The following FAAP20 variants were observed in gnomAD, a reference collection of about 807,000 sequenced individuals.
FAAP20 encodes FA core complex associated protein 20.
In FAAP20, 12 loss-of-function variants were observed where a neutral mutation model predicts 16.2. That is an observed-to-expected ratio of 0.74 (90% CI 0.48 to 1.20). The LOEUF (loss-of-function observed/expected upper bound fraction) is 1.20. Ranked by LOEUF, FAAP20 falls within the 50% of genes most tolerant of loss-of-function variation. The pLI, the probability that FAAP20 is intolerant of heterozygous loss-of-function variation, is 0.00. For synonymous variants in FAAP20, 141 were observed against 110.7 expected (o/e 1.27, Z -1.72); for missense variants, 288 against 245.8 (o/e 1.17, Z -1.15).
At chr1:2,199,450 G>A, upstream of FAAP20, 4 of 1,000,328 alleles carry the variant, frequency 4.0e-6, no homozygotes, top group African/African-American at 1.7e-5. The surrounding 1 kb of genome is among the most constrained non-coding windows in gnomAD (Gnocchi z 4.5). Flanking sequence ...CTGCCCTGCT[G>A]GGAAATTGTG....
At chr1:2,199,656 A>G, upstream of FAAP20, 4 of 984,648 alleles carry the variant, frequency 4.1e-6, no homozygotes, top group South Asian at 4.7e-5. This position sits in a 1 kb window ranked among gnomAD's most constrained non-coding sequence, Gnocchi z 4.5. Context: ...CCGAAGACTC[A>G]TGTCCACCAG....
In FAAP20 at chr1:2,192,550, C is replaced by A. The variant is rs770816153; in HGVS notation, c.470+1089G>T. 15 of 1,024,164 alleles carry A rather than the reference C, an allele frequency of 1.5e-5. No individual in the cohort carries two copies. The Admixed American group carries it at 5.1e-4, about 35-fold the overall frequency. The allele number at this position is 1,024,164 out of a possible 1,614,324, so 63.4% of individuals were successfully genotyped here. Reference sequence around the variant, plus strand: ...CCTCCCCGGGGGGCGGGGGGCAGCACCCTGACAGCAACAAGGATCTCAGAG... The same window carrying A: ...CCTCCCCGGGGGGCGGGGGGCAGCAACCTGACAGCAACAAGGATCTCAGAG... On this transcript the variant is annotated intron_variant, in intron 3 of 3. Coordinates refer to ENST00000378546, the MANE Select transcript of FAAP20 (RefSeq NM_182533.4).
At chr1:2,199,681 G>T, upstream of FAAP20, 1 of 966,220 alleles carries the variant, frequency 1.0e-6, no homozygotes, top group Non-Finnish European at 1.2e-6. This position sits in a 1 kb window ranked among gnomAD's most constrained non-coding sequence, Gnocchi z 4.5. Context: ...TGAGAAAGTG[G>T]CCTCGCTCGG....
upstream of FAAP20, chr1:2,198,016 C>T: frequency 4.6e-6 from 6 of 1,290,510 alleles, no homozygotes; most frequent in Non-Finnish European, 6.1e-6. Context: ...CCTTGTCCTG[C>T]CTGTCCTCAA....
upstream of FAAP20, among the ~76,000 whole-genome samples, chr1:2,202,000 G>A (rs1219752077): frequency 2.7e-5 from 4 of 148,614 alleles, no homozygotes; most frequent in Non-Finnish European, 5.9e-5. Context: ...CTGGGCGACA[G>A]AGCGAGACTC....
chr1:2,197,009 C>G (rs1040192432), upstream of FAAP20, among the ~76,000 whole-genome samples: 7 of 152,176 alleles, frequency 4.6e-5, no homozygotes, highest in Non-Finnish European at 7.4e-5. Context: ...CTCCTGCCTC[C>G]TCCTCCTCTA....
At chr1:2,186,438 A>G (rs1008407932), downstream of FAAP20, among the ~76,000 whole-genome samples, 5 of 151,740 alleles carry the variant, frequency 3.3e-5, no homozygotes, top group African/African-American at 1.2e-4. Context: ...CAGGACAAGA[A>G]TGCCAGCGCT....
At chr1:2,205,564 T>C (rs890915808) in intron 3 of FAAP20, among the ~76,000 whole-genome samples, 3 of 151,972 alleles carry the variant, frequency 2.0e-5, no homozygotes, top group African/African-American at 7.2e-5. Flanking sequence ...GTTCTGAGCG[T>C]GCAGTCGCCG....
downstream of FAAP20, chr1:2,185,913 G>A (rs1170349179): frequency 1.7e-5 from 6 of 344,074 alleles, no homozygotes; most frequent in African/African-American, 1.3e-4. Context: ...TGAACGTGAT[G>A]ACCCTACAAA....
chr1:2,200,395 CAA>C (rs765418052), upstream of FAAP20: 148 of 104,008 alleles, frequency 1.4e-3, 1 homozygote, highest in African/African-American at 4.2e-3. Flanking sequence ...AACTCTATCT[CAA>C]AAAAAAAAAA....
downstream of FAAP20, chr1:2,185,220 G>T: frequency 1.4e-6 from 1 of 707,812 alleles, no homozygotes; most frequent in Non-Finnish European, 2.6e-6. Flanking sequence ...CGTGCTGGAG[G>T]AACTTGCTGC....
upstream of FAAP20, chr1:2,199,540 ACCAAGGAG>A (rs1688964803): frequency 1.0e-6 from 1 of 985,916 alleles, no homozygotes; most frequent in Non-Finnish European, 1.2e-6. This position sits in a 1 kb window ranked among gnomAD's most constrained non-coding sequence, Gnocchi z 4.5. Flanking sequence ...AGTGCGCGGC[ACCAAGGAG>A]CCGGTCAGGG....
chr1:2,209,666 G>A (rs1221958036), downstream of FAAP20, among the ~76,000 whole-genome samples: 1 of 152,228 alleles, frequency 6.6e-6, no homozygotes, highest in African/African-American at 2.4e-5. Flanking sequence ...AGGGCAGCAG[G>A]CCGAGGCACA....
At chr1:2,189,464 T>C, downstream of FAAP20, 1 of 561,378 alleles carries the variant, frequency 1.8e-6, no homozygotes, top group Admixed American at 3.1e-5. Context: ...GGGGTCAGCT[T>C]CCCCGCCTGG....
Position 2,193,055 on chromosome 1 carries a change from C to G in FAAP20, c.470+584G>C. 2.4e-6 allele frequency: 3 copies of G among 1,268,780 alleles called. No homozygotes were observed. In the South Asian group the frequency reaches 3.7e-5, roughly 16 times the overall value. 78.6% of individuals were successfully genotyped at this position (1,268,780 alleles called of 1,614,324 possible). A position where few individuals can be genotyped will look rare whatever the true frequency, so the allele number is the denominator to read the frequency against. On this transcript the variant is annotated intron_variant, in intron 3 of 3. Coordinates refer to ENST00000378546, the MANE Select transcript of FAAP20 (RefSeq NM_182533.4). ...GAAACCTGCCGCCCATTAACTCAAC[C>G]AAAAGTTACGAACCAGCATCATTCA... is the stretch of plus-strand genomic sequence containing the variant.
upstream of FAAP20, among the ~76,000 whole-genome samples, chr1:2,196,297 C>T (rs1043876434): frequency 6.6e-6 from 1 of 152,366 alleles, no homozygotes; most frequent in South Asian, 2.1e-4. The surrounding 1 kb of genome is among the most constrained non-coding windows in gnomAD (Gnocchi z 4.5). Context: ...CCCAGCAGCC[C>T]ATGCCTGCAA....
At chr1:2,194,250 T>A in intron 1 of FAAP20, 117 bp from the exon 2 acceptor site, 1 of 1,336,822 alleles carries the variant, frequency 7.5e-7, no homozygotes, top group South Asian at 1.4e-5. Context: ...TAGAGGGAAA[T>A]TCGATGGTGC....
chr1:2,212,495 C>T (rs1638232160), intron 1 of FAAP20: 1 of 161,132 alleles, frequency 6.2e-6, no homozygotes, highest in Non-Finnish European at 1.4e-5. Context: ...TGGGAGGGGG[C>T]CAGGGAAGCC....
chr1:2,186,155 G>A, downstream of FAAP20: 1 of 440,600 alleles, frequency 2.3e-6, no homozygotes, highest in South Asian at 1.6e-5. Flanking sequence ...CTGGTGCACA[G>A]GTGTGGAAAT....
Sources: allele counts gnomAD v4.1 joint callset (sites outside exome capture counted in the v4.1 genomes callset), GRCh38; gene constraint gnomAD v4.1.1; non-coding constraint Gnocchi (gnomAD v3.1); transcripts MANE v1.5; gene names NCBI Gene and HGNC (gene_info 2026-07-23, HGNC 2026-07-21).